SFMBT2: variants seen among roughly 807,000 people sequenced by gnomAD.
The protein encoded by SFMBT2 is scm-like with four MBT domains protein 2.
A neutral mutation model predicts 110.1 loss-of-function variants in SFMBT2; 38 were observed. The observed-to-expected ratio is 0.35, with a 90% CI of 0.27 to 0.45. The LOEUF (loss-of-function observed/expected upper bound fraction) is 0.45. Among genes scored for constraint, SFMBT2 ranks in the 20% least tolerant of loss-of-function variants. The probability of loss-of-function intolerance (pLI) is 1.00; values close to 1 mark genes in which losing one functional copy is unlikely to be tolerated. For synonymous variants in SFMBT2, 425 were observed against 425.4 expected (o/e 1.00, Z 0.01); for missense variants, 1,011 against 1,094.9 (o/e 0.92, Z 1.08).
intron 7 of SFMBT2, among the ~76,000 whole-genome samples, chr10:7,259,814 C>A (rs949993859): frequency 6.6e-6 from 1 of 152,200 alleles, no homozygotes; most frequent in Admixed American, 6.5e-5. Flanking sequence ...CAGTGCCAAC[C>A]AACCCTGTTA....
intron 10 of SFMBT2, among the ~76,000 whole-genome samples, chr10:7,222,449 A>G (rs1198971659): frequency 6.6e-6 from 1 of 152,218 alleles, no homozygotes; most frequent in African/African-American, 2.4e-5. Context: ...TCAGGGTGTC[A>G]GCAGGGGTGG....
Position 7,172,287 on chromosome 10 carries a change from C to T in SFMBT2, c.2152-129G>A. ...TCGGAAATGGAGCCAGTGGTCCCAC[C>T]CGTGGGCCCTACGAGGCCCTTCCCA... On this transcript the variant is annotated intron_variant, in intron 18 of 20. Transcript: ENST00000397167. The surrounding 1 kb of genome is among the most constrained non-coding windows in gnomAD (Gnocchi z 4.6). The T allele has an allele frequency of 4.1e-6, 6 of 1,453,660 alleles. No homozygotes were observed. The South Asian group carries it at 8.6e-5, about 21-fold the overall frequency. The allele number at this position is 1,453,660 out of a possible 1,614,324, so 90.0% of individuals were successfully genotyped here.
chr10:7,210,644 G>A (rs1839313920), intron 11 of SFMBT2, among the ~76,000 whole-genome samples: 1 of 152,224 alleles, frequency 6.6e-6, no homozygotes, highest in African/African-American at 2.4e-5. Context: ...GAGATGAACA[G>A]GCAAAACACC....
intron 9 of SFMBT2, among the ~76,000 whole-genome samples, chr10:7,235,452 T>G (rs1840224085): frequency 6.6e-6 from 1 of 151,758 alleles, no homozygotes; most frequent in Non-Finnish European, 1.5e-5. Flanking sequence ...AAAGAGTGCT[T>G]CCGCCAGTCT....
intron 9 of SFMBT2, chr10:7,228,389 AAC>A (rs34640143): frequency 0.14 from 104,945 of 756,120 alleles, 5,123 homozygotes; most frequent in South Asian, 0.23. Context: ...AAAAAAAAAA[AAC>A]AAAACAGTAC....
At chr10:7,353,631 C>T (rs754515105) in intron 4 of SFMBT2, among the ~76,000 whole-genome samples, 1 of 152,174 alleles carries the variant, frequency 6.6e-6, no homozygotes, top group Non-Finnish European at 1.5e-5. Flanking sequence ...TCCCATCATG[C>T]ATTTTCAATT....
At chr10:7,394,906 G>A (rs1845881277) in intron 1 of SFMBT2, among the ~76,000 whole-genome samples, 1 of 152,052 alleles carries the variant, frequency 6.6e-6, no homozygotes. Context: ...TTAGTGTCTG[G>A]CTCCTGATGA....
chr10:7,176,469 C>T, intron 16 of SFMBT2: 5 of 985,028 alleles, frequency 5.1e-6, no homozygotes, highest in Non-Finnish European at 6.0e-6. Context: ...GGGATACATA[C>T]CTGATGGGCA....
intron 6 of SFMBT2, chr10:7,277,532 GAAATGTTGCTT>G (rs1841820908): frequency 4.9e-6 from 1 of 202,626 alleles, no homozygotes; most frequent in Non-Finnish European, 8.8e-6. Flanking sequence ...ATTTACACTT[GAAATGTTGCTT>G]AACACACCAC....
chr10:7,333,517 C>T (rs572590597), intron 4 of SFMBT2, among the ~76,000 whole-genome samples: 108 of 151,818 alleles, frequency 7.1e-4, no homozygotes, highest in African/African-American at 2.3e-3. Flanking sequence ...CTCAGCCTCC[C>T]GAGTAGCTGG....
intron 16 of SFMBT2, among the ~76,000 whole-genome samples, chr10:7,180,123 CT>C (rs145590317): frequency 2.4e-5 from 3 of 127,326 alleles, no homozygotes; most frequent in Admixed American, 1.5e-4. Flanking sequence ...TTTAGGTTTG[CT>C]TTTTTTTGCT....
intron 16 of SFMBT2, among the ~76,000 whole-genome samples, chr10:7,177,059 T>C (rs1838086417): frequency 6.6e-6 from 1 of 152,178 alleles, no homozygotes; most frequent in Admixed American, 6.5e-5. Context: ...TAAAACTTGC[T>C]TCCACCTGCT....
At chr10:7,346,678 A>T (rs1050549032) in intron 4 of SFMBT2, among the ~76,000 whole-genome samples, 1 of 152,094 alleles carries the variant, frequency 6.6e-6, no homozygotes, top group African/African-American at 2.4e-5. Flanking sequence ...ATCTTTAAAA[A>T]TTTTTTGTAG....
intron 7 of SFMBT2, among the ~76,000 whole-genome samples, chr10:7,258,277 A>G (rs1262468386): frequency 1.3e-5 from 2 of 152,216 alleles, no homozygotes; most frequent in Non-Finnish European, 2.9e-5. Context: ...CAAAAGCTGC[A>G]GGAAATTCTC....
intron 6 of SFMBT2, among the ~76,000 whole-genome samples, chr10:7,279,717 G>A (rs534588952): frequency 1.3e-5 from 2 of 152,276 alleles, no homozygotes; most frequent in Admixed American, 1.3e-4. Context: ...CAAGAAAAAC[G>A]AGGCAATCTC....
intron 1 of SFMBT2, among the ~76,000 whole-genome samples, chr10:7,387,515 C>T (rs1845642613): frequency 6.6e-6 from 1 of 151,920 alleles, no homozygotes; most frequent in Non-Finnish European, 1.5e-5. Flanking sequence ...CCACGAAGGA[C>T]AAGATGCAAA....
At chr10:7,381,722 T>C (rs1328404145) in intron 2 of SFMBT2, 77 bp downstream of exon 2, 6 of 1,478,416 alleles carry the variant, frequency 4.1e-6, no homozygotes, top group Admixed American at 1.8e-5. Flanking sequence ...TGTTGCCCCA[T>C]TGTTTCCTGA....
At chr10:7,197,201 T>C (rs1027728392) in intron 15 of SFMBT2, among the ~76,000 whole-genome samples, 2 of 152,044 alleles carry the variant, frequency 1.3e-5, no homozygotes, top group Non-Finnish European at 1.5e-5. Context: ...TCCAGGCTGG[T>C]TTACCTCTTT....
Position 7,367,896 on chromosome 10 carries a change from G to A in SFMBT2, c.196-7C>T, listed in dbSNP as rs1844955681. ...TCTGAATGCTGATTTCAACCTTAAG[G>A]AATCAGAAATAGAGAAAACCCATTA... On this transcript the variant is annotated splice_region_variant and splice_polypyrimidine_tract_variant and intron_variant, in intron 3 of 20. Transcript: ENST00000397167. The surrounding 1 kb of genome is among the most constrained non-coding windows in gnomAD (Gnocchi z 6.2). 1.2e-6 allele frequency: 2 copies of A among 1,613,502 alleles called. No homozygotes were observed. The highest frequency in any genetic ancestry group is 3.3e-5 in the Admixed American group (2 of 59,974).
Sources: allele counts gnomAD v4.1 joint callset (sites outside exome capture counted in the v4.1 genomes callset), GRCh38; gene constraint gnomAD v4.1.1; non-coding constraint Gnocchi (gnomAD v3.1); transcripts MANE v1.5; gene names NCBI Gene and HGNC (gene_info 2026-07-23, HGNC 2026-07-21).